Variants in WWP1 observed in about 807,000 individuals in gnomAD.
WWP1 encodes the protein NEDD4-like E3 ubiquitin-protein ligase WWP1.
Under a neutral mutation model 130.6 loss-of-function variants are expected in WWP1, and 49 were observed. The ratio of observed to expected loss-of-function variants is 0.38; its 90% confidence interval spans 0.30 to 0.48. WWP1 has a LOEUF of 0.48. WWP1 is among the 20% of genes least tolerant of loss of function. WWP1 has a pLI of 0.99. For missense variants in WWP1, 809 were observed against 1,100.6 expected (o/e 0.74, Z 3.75); for synonymous variants, 332 against 367.8 (o/e 0.90, Z 1.11).
chr8:86,342,962 C>T, intron 1 of WWP1, 32 bp downstream of exon 1: 1 of 262,538 alleles, frequency 3.8e-6, no homozygotes, highest in Non-Finnish European at 7.1e-6. Context: ...GCTGGGGGTG[C>T]GAATGGGCAG....
At chr8:86,358,835 A>G (rs991439642) in intron 1 of WWP1, among the ~76,000 whole-genome samples, 9 of 152,088 alleles carry the variant, frequency 5.9e-5, no homozygotes, top group African/African-American at 2.2e-4. Flanking sequence ...GGGGCCAGAC[A>G]TTGGGCTAGA....
At chr8:86,374,800 A>G (rs1248044462) in intron 3 of WWP1, among the ~76,000 whole-genome samples, 2 of 151,904 alleles carry the variant, frequency 1.3e-5, no homozygotes, top group Non-Finnish European at 2.9e-5. Flanking sequence ...GCCTCAAACT[A>G]CTGGGCTGAA....
Position 86,407,891 on chromosome 8 carries a change from T to C in WWP1, c.725-3647T>C, listed in dbSNP as rs1393430069. 4.0e-5 allele frequency among the ~76,000 whole-genome samples: 6 copies of C among 149,364 alleles called. No individual in the cohort carries two copies. In the East Asian group the frequency reaches 9.6e-4, roughly 24 times the overall value. On this transcript the variant is annotated intron_variant, in intron 8 of 24. Coordinates refer to ENST00000517970, the MANE Select transcript of WWP1 (RefSeq NM_007013.4). ...CAATTAATGAACCATTAATAATACA[T>C]TGTTATTAACTAAAGTCCATAGTTT... is the stretch of plus-strand genomic sequence containing the variant.
intron 9 of WWP1, among the ~76,000 whole-genome samples, chr8:86,423,223 T>A (rs1809334289): frequency 1.3e-5 from 2 of 151,844 alleles, no homozygotes; most frequent in South Asian, 2.1e-4. Context: ...TATTTATTTA[T>A]TTTATTTATT....
intron 3 of WWP1, among the ~76,000 whole-genome samples, chr8:86,377,513 T>A (rs1824734426): frequency 1.3e-5 from 2 of 152,214 alleles, no homozygotes; most frequent in Non-Finnish European, 2.9e-5. Context: ...TTTTTTTTTT[T>A]ATTTTTAGCA....
intron 19 of WWP1, 28 bp downstream of exon 19, chr8:86,448,309 C>A (rs1810994400): frequency 1.9e-6 from 3 of 1,585,400 alleles, no homozygotes; most frequent in South Asian, 1.2e-5. Flanking sequence ...TGCAATAAGT[C>A]ATTTTTTTGA....
chr8:86,369,411 C>T (rs1165332188), intron 2 of WWP1, among the ~76,000 whole-genome samples: 1 of 152,102 alleles, frequency 6.6e-6, no homozygotes, highest in East Asian at 1.9e-4. Flanking sequence ...TTTGCAGTTA[C>T]TGCTTACCAG....
rs143032000 is a variant in WWP1 at position 86,432,670 on chromosome 8, C to T, written c.1601+927C>T. 1.9e-4 allele frequency among the ~76,000 whole-genome samples: 29 copies of T among 151,454 alleles called. No homozygotes were observed. The East Asian group carries it at 2.9e-3, about 15-fold the overall frequency. On this transcript the variant is annotated intron_variant, in intron 14 of 24. Transcript: ENST00000517970. Reference sequence around the variant, plus strand: ...TTGCCCAGGCTGGAGTGCAATGATGCGATGTCAGCTCACTGCAACCTCCAC... The same window carrying T: ...TTGCCCAGGCTGGAGTGCAATGATGTGATGTCAGCTCACTGCAACCTCCAC...
chr8:86,422,932 C>G (rs1274243625), intron 9 of WWP1, among the ~76,000 whole-genome samples: 2 of 152,068 alleles, frequency 1.3e-5, no homozygotes, highest in Non-Finnish European at 2.9e-5. Flanking sequence ...GGCAGTATCA[C>G]CACATATTTC....
chr8:86,376,752 G>A (rs115024194), intron 3 of WWP1, among the ~76,000 whole-genome samples: 30 of 152,276 alleles, frequency 2.0e-4, no homozygotes, highest in Admixed American at 7.2e-4. Context: ...CATTTTGAGC[G>A]TCAGTTGCTG....
chr8:86,404,505 G>T (rs1284849529), intron 8 of WWP1, among the ~76,000 whole-genome samples: 1 of 151,990 alleles, frequency 6.6e-6, no homozygotes, highest in East Asian at 1.9e-4. Flanking sequence ...TTCAGTTCTC[G>T]CATTTCTTTC....
At chr8:86,450,453 C>T (rs1811117141) in intron 20 of WWP1, among the ~76,000 whole-genome samples, 1 of 152,048 alleles carries the variant, frequency 6.6e-6, no homozygotes, top group African/African-American at 2.4e-5. Context: ...AAGCCTGAGC[C>T]TTCCACAAAG....
chr8:86,387,747 C>T (rs1825373343), intron 5 of WWP1, among the ~76,000 whole-genome samples: 1 of 152,180 alleles, frequency 6.6e-6, no homozygotes, highest in African/African-American at 2.4e-5. Context: ...TGGTCTCGAA[C>T]TCCTGACCTC....
intron 9 of WWP1, among the ~76,000 whole-genome samples, chr8:86,412,212 G>C (rs931935839): frequency 6.6e-6 from 1 of 152,172 alleles, no homozygotes; most frequent in African/African-American, 2.4e-5. Flanking sequence ...CATCCTTGGT[G>C]ATCTGTTTTC....
rs556206111 is a variant in WWP1, at chr8:86,396,303, G to A, written c.335-2039G>A. Reference sequence around the variant, plus strand: ...TTTTGTAGAGACGGGGTTTCACCACGTTGGCCAGGATGGTCTTGATCTCCA... The same window carrying A: ...TTTTGTAGAGACGGGGTTTCACCACATTGGCCAGGATGGTCTTGATCTCCA... On this transcript the variant is annotated intron_variant, in intron 5 of 24. Coordinates refer to ENST00000517970, the MANE Select transcript of WWP1 (RefSeq NM_007013.4). Among the ~76,000 whole-genome samples, 67 of 152,210 alleles carry A rather than the reference G, an allele frequency of 4.4e-4. 1 individual carries two copies. The highest frequency in any genetic ancestry group is 1.6e-3 in the African/African-American group (66 of 41,542).
At chr8:86,382,528 G>C (rs762360380) in intron 5 of WWP1, among the ~76,000 whole-genome samples, 2 of 152,058 alleles carry the variant, frequency 1.3e-5, no homozygotes, top group African/African-American at 4.8e-5. Flanking sequence ...GTGAAACCTC[G>C]CCTCTACTAA....
intron 3 of WWP1, among the ~76,000 whole-genome samples, chr8:86,377,437 A>G (rs112775472): frequency 0.01 from 1,538 of 150,152 alleles, 23 homozygotes; most frequent in African/African-American, 0.035. Context: ...TCAGATTAAG[A>G]CCCCTCTAAT....
chr8:86,425,302 C>A lies in WWP1; in HGVS notation c.1141C>A (p.Gln381Lys). 1 of 1,612,480 alleles carries A rather than the reference C, an allele frequency of 6.2e-7. No individual in the cohort carries two copies. The highest frequency in any genetic ancestry group is 8.5e-7 in the Non-Finnish European group (1 of 1,179,094). The change falls in exon 10 of 25, where the codon CAA becomes AAA. Residue 381 changes from glutamine (Q) to lysine (K), a missense_variant. Physicochemically the swap from Gln to Lys is moderately conservative, Grantham distance 53. Transcript: ENST00000517970. ...TCGAACTACCACATGGGAGAGACCA[C>A]AACCTTTACCTCCAGGGTAATATAG... ...NTRTTTWERP[Q>K]PLPPGWERRV... is the part of the protein sequence containing the mutation.
At chr8:86,413,398 G>A (rs1808698116) in intron 9 of WWP1, among the ~76,000 whole-genome samples, 4 of 152,126 alleles carry the variant, frequency 2.6e-5, no homozygotes, top group Admixed American at 2.6e-4. Flanking sequence ...TGGGGGAGGG[G>A]AAGAGAAGTA....
Sources: gnomAD v4.1 joint callset for allele counts (sites outside exome capture counted in the v4.1 genomes callset) on GRCh38, gnomAD v4.1.1 for gene constraint, MANE v1.5 for transcripts, NCBI Gene and HGNC (gene_info 2026-07-23, HGNC 2026-07-21) for gene names.